Variants in OSBPL10 observed in about 807,000 individuals in gnomAD.
The protein encoded by OSBPL10 is oxysterol-binding protein-related protein 10.
In OSBPL10, 49 loss-of-function variants were observed where a neutral mutation model predicts 81.7. The observed-to-expected ratio is 0.60, with a 90% CI of 0.48 to 0.76. The LOEUF (loss-of-function observed/expected upper bound fraction) is 0.76, where lower values mean the gene tolerates loss of function less well. Among genes scored for constraint, OSBPL10 ranks in the 30% least tolerant of loss-of-function variants. OSBPL10 has a pLI of 0.00. For synonymous variants in OSBPL10, 419 were observed against 383.6 expected (o/e 1.09, Z -1.08); for missense variants, 923 against 987.8 (o/e 0.93, Z 0.88).
intron 4 of OSBPL10, among the ~76,000 whole-genome samples, chr3:31,819,571 T>C (rs1409813975): frequency 6.6e-6 from 1 of 151,980 alleles, no homozygotes; most frequent in Non-Finnish European, 1.5e-5. Context: ...CATACAGAGA[T>C]CAAGAGTCTC....
At chr3:31,689,170 A>C (rs374224263) in intron 7 of OSBPL10, among the ~76,000 whole-genome samples, 2 of 152,204 alleles carry the variant, frequency 1.3e-5, no homozygotes, top group South Asian at 4.1e-4. Flanking sequence ...AACAAAAATG[A>C]AAGCAAAGAA....
intron 4 of OSBPL10, among the ~76,000 whole-genome samples, chr3:31,810,101 C>T (rs1383818813): frequency 6.6e-6 from 1 of 151,920 alleles, no homozygotes. Flanking sequence ...GAACTCCTGA[C>T]CTTAGGTGAT....
intron 1 of OSBPL10, among the ~76,000 whole-genome samples, chr3:31,893,288 T>C (rs1695954454): frequency 6.6e-6 from 1 of 152,126 alleles, no homozygotes; most frequent in African/African-American, 2.4e-5. Context: ...CCAAAGAAGA[T>C]ACATGAATGG....
At chr3:31,824,577 G>A (rs1173651300) in intron 4 of OSBPL10, among the ~76,000 whole-genome samples, 1 of 152,174 alleles carries the variant, frequency 6.6e-6, no homozygotes, top group East Asian at 1.9e-4. Context: ...GGCAAGATCA[G>A]ATCTCAAGTT....
intron 4 of OSBPL10, among the ~76,000 whole-genome samples, chr3:31,827,685 T>A (rs913176348): frequency 6.6e-6 from 1 of 152,048 alleles, no homozygotes; most frequent in Non-Finnish European, 1.5e-5. Context: ...TTTTTACGTA[T>A]CTACATCTGT....
chr3:31,760,567 G>C (rs902789251), intron 4 of OSBPL10, among the ~76,000 whole-genome samples: 1 of 152,150 alleles, frequency 6.6e-6, no homozygotes, highest in African/African-American at 2.4e-5. Flanking sequence ...GAAAAAGTTT[G>C]TACATGTTCA....
In OSBPL10 at chr3:31,847,194, CTTTTT is replaced by C. The variant is rs1165840077; in HGVS notation, c.538-16968_538-16964del. Among the ~76,000 whole-genome samples the C allele has an allele frequency of 8.4e-3, 1,212 of 144,934 alleles. 16 individuals are homozygous for C. The highest frequency in any genetic ancestry group is 0.06 in the South Asian group (272 of 4,496). ...AAGTCATCTGCAATTCTCCCCATTC[CTTTTT>C]TTTTTTTTTTTTAAAAAGACAGAAT... On this transcript the variant is annotated intron_variant, in intron 3 of 11. Transcript: ENST00000396556.
chr3:31,775,062 T>A (rs10451988), intron 4 of OSBPL10, among the ~76,000 whole-genome samples: 35 of 151,032 alleles, frequency 2.3e-4, no homozygotes, highest in African/African-American at 8.2e-4. Context: ...AGCTACTCAG[T>A]GGGGGTGGCT....
intron 1 of OSBPL10, among the ~76,000 whole-genome samples, chr3:31,886,938 C>CA (rs5847726): frequency 0.021 from 3,055 of 142,104 alleles, 33 homozygotes; most frequent in Non-Finnish European, 0.032. Flanking sequence ...GACTCCATCT[C>CA]AAAAAAAAAA....
intron 6 of OSBPL10, among the ~76,000 whole-genome samples, chr3:31,722,162 A>G (rs963530965): frequency 3.3e-5 from 5 of 152,222 alleles, no homozygotes; most frequent in African/African-American, 1.2e-4. Flanking sequence ...TTTTTAACTC[A>G]TCTTAACAGC....
At chr3:31,747,222 GC>G (rs1173284578) in intron 5 of OSBPL10, among the ~76,000 whole-genome samples, 1 of 151,892 alleles carries the variant, frequency 6.6e-6, no homozygotes, top group Non-Finnish European at 1.5e-5. Context: ...GGAGGCTGAG[GC>G]GGGAGAATCT....
chr3:31,789,515 G>A (rs952747853), intron 4 of OSBPL10, among the ~76,000 whole-genome samples: 8 of 152,222 alleles, frequency 5.3e-5, no homozygotes, highest in African/African-American at 1.9e-4. Flanking sequence ...ACAAGTCCCT[G>A]AAGGTCCAGG....
At chr3:31,844,790 T>C (rs1292016195) in intron 3 of OSBPL10, among the ~76,000 whole-genome samples, 1 of 152,216 alleles carries the variant, frequency 6.6e-6, no homozygotes, top group Non-Finnish European at 1.5e-5. Context: ...ATGGCTAATT[T>C]GGACCAGGCA....
chr3:31,920,560 CAT>C (rs765184389), intron 1 of OSBPL10, among the ~76,000 whole-genome samples: 1 of 152,290 alleles, frequency 6.6e-6, no homozygotes, highest in Non-Finnish European at 1.5e-5. Flanking sequence ...TACTGCTACA[CAT>C]GTGTACTGGA....
intron 4 of OSBPL10, among the ~76,000 whole-genome samples, chr3:31,811,135 A>AG (rs1175786960): frequency 7.4e-6 from 1 of 134,674 alleles, no homozygotes; most frequent in African/African-American, 2.8e-5. Context: ...CTCCCCAGAA[A>AG]GGGGCTCAGA....
chr3:31,950,082 C>G (rs72852974), intron 1 of OSBPL10, among the ~76,000 whole-genome samples: 7,644 of 152,114 alleles, frequency 0.05, 670 homozygotes, highest in African/African-American at 0.17. Context: ...ATGACTGTTT[C>G]TGCCAGTAAA....
At chr3:31,679,178 C>G (rs1013569617) in intron 8 of OSBPL10, among the ~76,000 whole-genome samples, 1 of 152,136 alleles carries the variant, frequency 6.6e-6, no homozygotes. Context: ...CATAGAAGAC[C>G]CCTTCTTAAA....
chr3:31,782,479 G>T (rs1013197146), intron 4 of OSBPL10, among the ~76,000 whole-genome samples: 4 of 152,170 alleles, frequency 2.6e-5, no homozygotes, highest in African/African-American at 9.7e-5. Context: ...CACAGCAAAA[G>T]AAATAATCAG....
At chr3:32,006,984 T>C (rs1301488287) in intron 2 of OSBPL10, among the ~76,000 whole-genome samples, 1 of 152,144 alleles carries the variant, frequency 6.6e-6, no homozygotes, top group African/African-American at 2.4e-5. Flanking sequence ...CCCAGGCTGA[T>C]CTCAAACTCC....
Sources: allele counts gnomAD v4.1 joint callset (sites outside exome capture counted in the v4.1 genomes callset), GRCh38; gene constraint gnomAD v4.1.1; transcripts MANE v1.5; gene names NCBI Gene and HGNC (gene_info 2026-07-23, HGNC 2026-07-21).